Variants in USH2A observed in about 807,000 individuals in gnomAD.
The protein encoded by USH2A is Usher syndrome 2A (autosomal recessive, mild).
USH2A carries 443 observed loss-of-function variants against 538.9 expected under a neutral mutation model. The observed-to-expected ratio is 0.82, with a 90% CI of 0.76 to 0.89. The LOEUF (loss-of-function observed/expected upper bound fraction) is 0.89. Among genes scored for constraint, USH2A ranks in the 40% least tolerant of loss-of-function variants. USH2A has a pLI of 0.00. For missense variants in USH2A, 6,633 were observed against 6,324.8 expected (o/e 1.05, Z -1.65); for synonymous variants, 2,413 against 2,273.5 (o/e 1.06, Z -1.75).
intron 34 of USH2A, among the ~76,000 whole-genome samples, chr1:215,997,402 G>C (rs888039865): frequency 1.3e-5 from 2 of 151,988 alleles, no homozygotes; most frequent in Non-Finnish European, 2.9e-5. Flanking sequence ...TTATGGCTCA[G>C]AGACATTAAA....
chr1:215,836,565 A>T (rs368595557), intron 47 of USH2A, among the ~76,000 whole-genome samples: 22,313 of 32,100 alleles, frequency 0.7, 8,357 homozygotes, highest in African/African-American at 0.83. Flanking sequence ...ATATATATAT[A>T]TTTTTTTTTG....
chr1:216,381,295 C>A (rs1023183218), intron 3 of USH2A, among the ~76,000 whole-genome samples: 7 of 152,048 alleles, frequency 4.6e-5, no homozygotes, highest in Admixed American at 2.0e-4. Context: ...GGTTAAAACT[C>A]AAAGTACATA....
intron 37 of USH2A, among the ~76,000 whole-genome samples, chr1:215,963,008 T>A (rs1454318945): frequency 3.3e-5 from 5 of 152,104 alleles, no homozygotes; most frequent in African/African-American, 1.2e-4. Flanking sequence ...CAGGCACTTT[T>A]ATGTTGAAAC....
intron 46 of USH2A, among the ~76,000 whole-genome samples, chr1:215,838,582 T>C (rs761027499): frequency 3.2e-4 from 49 of 152,316 alleles, no homozygotes; most frequent in Non-Finnish European, 4.0e-4. Flanking sequence ...AGCCTTCCAA[T>C]ATGGCTGAGG....
At chr1:216,260,722 C>A in intron 11 of USH2A, among the ~76,000 whole-genome samples, 1 of 152,052 alleles carries the variant, frequency 6.6e-6, no homozygotes, top group Non-Finnish European at 1.5e-5. Context: ...GTCTTATTGT[C>A]AAGAATAATT....
At chr1:215,933,958 A>T (rs540999268) in intron 38 of USH2A, among the ~76,000 whole-genome samples, 2 of 152,178 alleles carry the variant, frequency 1.3e-5, no homozygotes, top group Middle Eastern at 3.4e-3. Context: ...GAGTTAAAAC[A>T]TGGTGAAGCT....
chr1:215,786,976 C>G, intron 51 of USH2A, 102 bp from the exon 52 acceptor site: 1 of 1,116,104 alleles, frequency 9.0e-7, no homozygotes, highest in South Asian at 1.3e-5. Flanking sequence ...ATTTTTCCTC[C>G]ACTTACTTGA....
chr1:215,885,018 T>G (rs1229989979), intron 41 of USH2A, among the ~76,000 whole-genome samples: 2 of 152,168 alleles, frequency 1.3e-5, no homozygotes, highest in Non-Finnish European at 2.9e-5. Context: ...AAAGAAGTTT[T>G]TTTTTTCTTT....
At chr1:216,048,805 C>T (rs139566530) in intron 30 of USH2A, among the ~76,000 whole-genome samples, 158 bp from the exon 31 acceptor site, 1 of 152,288 alleles carries the variant, frequency 6.6e-6, no homozygotes, top group Non-Finnish European at 1.5e-5. Flanking sequence ...AGTCATTTTC[C>T]TCCCTTTCTG....
intron 30 of USH2A, among the ~76,000 whole-genome samples, chr1:216,059,161 G>A (rs984779661): frequency 8.6e-5 from 13 of 152,038 alleles, no homozygotes; most frequent in Admixed American, 2.0e-4. Flanking sequence ...ATATATGAAC[G>A]TACATAACAT....
chr1:215,836,539 TA>T (rs1663527887), intron 47 of USH2A, among the ~76,000 whole-genome samples: 1 of 25,970 alleles, frequency 3.9e-5, no homozygotes, highest in Non-Finnish European at 6.5e-5. Flanking sequence ...TATATATATA[TA>T]TAATATATAT....
intron 16 of USH2A, among the ~76,000 whole-genome samples, chr1:216,206,482 A>T (rs988770357): frequency 1.3e-5 from 2 of 152,124 alleles, no homozygotes; most frequent in African/African-American, 2.4e-5. Context: ...TCCTGTTCCT[A>T]TGAGAATCTC....
In USH2A at chr1:216,343,003, A is replaced by T. The variant is rs775222708; in HGVS notation, c.785-15349T>A. Among the ~76,000 whole-genome samples the T allele has an allele frequency of 1.3e-4, 20 of 151,940 alleles. No homozygotes were observed. In the East Asian group the frequency reaches 1.5e-3, roughly 12 times the overall value. The stretch of plus-strand genomic sequence containing the variant: ...ATCCCAGAACTTAAAGTGAAATAAA[A>T]TTTTTTTTAAGTTATTATAAATGCT... On this transcript the variant is annotated intron_variant, in intron 4 of 71. Coordinates refer to ENST00000307340, the MANE Select transcript of USH2A (RefSeq NM_206933.4).
At chr1:216,151,983 A>G (rs1018976737) in intron 21 of USH2A, among the ~76,000 whole-genome samples, 2 of 152,094 alleles carry the variant, frequency 1.3e-5, no homozygotes, top group Non-Finnish European at 2.9e-5. Context: ...ATCATTCTAT[A>G]CGACAAATGT....
At chr1:215,776,648 T>C (rs934881161) in intron 55 of USH2A, among the ~76,000 whole-genome samples, 6 of 152,162 alleles carry the variant, frequency 3.9e-5, no homozygotes, top group African/African-American at 1.4e-4. Flanking sequence ...TTGGAAATGA[T>C]GAGAAAATCA....
chr1:215,650,852 G>GT, intron 64 of USH2A, 51 bp from the exon 65 acceptor site: 88 of 1,470,470 alleles, frequency 6.0e-5, no homozygotes, highest in Non-Finnish European at 6.9e-5. Context: ...CCTAAGGCTG[G>GT]GAAAAAAAAA....
rs2102460151 is a variant in USH2A, at chr1:215,888,609, G to A, written c.8040C>T (p.Ser2680=). The A allele has an allele frequency of 6.2e-7, 1 of 1,614,122 alleles. No homozygotes were observed. Among genetic ancestry groups the A allele is most frequent in the Non-Finnish European group, 8.5e-7 (1 of 1,180,004 alleles). Residue 2680 remains serine (S), a synonymous_variant, in exon 41 of 72, where the codon TCC becomes TCT. Coordinates refer to ENST00000307340, the MANE Select transcript of USH2A (RefSeq NM_206933.4). ...TTLVTLPRSH[S]MRFIDKTSAL... ...CAGAAGTCTTGTCAATAAACCTCAT[G>A]GAATGACTCCTCGGGAGAGTCACCA...
At chr1:216,407,541 A>C (rs1451141135) in intron 3 of USH2A, among the ~76,000 whole-genome samples, 2 of 152,158 alleles carry the variant, frequency 1.3e-5, no homozygotes, top group Non-Finnish European at 2.9e-5. Flanking sequence ...TAGAGAAAGA[A>C]ATGCCAAGGG....
intron 49 of USH2A, among the ~76,000 whole-genome samples, chr1:215,810,535 T>C (rs1353457380): frequency 1.3e-5 from 2 of 152,162 alleles, no homozygotes; most frequent in African/African-American, 4.8e-5. Flanking sequence ...ATAAAAATTT[T>C]AATGTGATGT....
Sources: allele counts gnomAD v4.1 joint callset (sites outside exome capture counted in the v4.1 genomes callset), GRCh38; gene constraint gnomAD v4.1.1; transcripts MANE v1.5; gene names NCBI Gene and HGNC (gene_info 2026-07-23, HGNC 2026-07-21).